The following TFDP1 variants were observed in gnomAD, a reference collection of about 807,000 sequenced individuals.
TFDP1 encodes transcription factor Dp-1.
TFDP1 carries 6 observed loss-of-function variants against 48.0 expected under a neutral mutation model. That is an observed-to-expected ratio of 0.13 (90% confidence interval 0.07 to 0.25). TFDP1 has a LOEUF of 0.25. Ranked by LOEUF, TFDP1 falls within the 10% of genes least tolerant of loss-of-function variation. The pLI is 1.00. For missense variants in TFDP1, 335 were observed against 543.0 expected, an observed-to-expected ratio of 0.62 and a Z score of 3.81; for synonymous variants, 201 against 211.6, an observed-to-expected ratio of 0.95 and a Z score of 0.44.
In TFDP1 at chr13:113,598,844, C is replaced by T. The variant is rs537931772; in HGVS notation, c.13-12152C>T. ...TCTTAGGGTGATGTTGGGCACCACC[C>T]TCGCCTGCAGCTCATCACCTCTGGA... On this transcript the variant is annotated intron_variant, in intron 2 of 11. Transcript: ENST00000375370. The surrounding 1 kb of genome is among the most constrained non-coding windows in gnomAD (Gnocchi z 4.2). Among the ~76,000 whole-genome samples, 1 of 152,334 alleles carries T rather than the reference C, an allele frequency of 6.6e-6. No individual in the cohort carries two copies. The highest frequency in any genetic ancestry group is 2.1e-4 in the South Asian group (1 of 4,828).
At chr13:113,596,429 C>T (rs1194745851) in intron 2 of TFDP1, among the ~76,000 whole-genome samples, 2 of 152,204 alleles carry the variant, frequency 1.3e-5, no homozygotes, top group Non-Finnish European at 2.9e-5. Flanking sequence ...GGACAGATGT[C>T]TGCCTCGGTG....
intron 5 of TFDP1, among the ~76,000 whole-genome samples, chr13:113,632,073 C>T (rs1358330126): frequency 2.0e-5 from 3 of 152,234 alleles, no homozygotes; most frequent in Admixed American, 6.5e-5. Context: ...GACTTTCCCT[C>T]GTCTGTGCTG....
rs1488874233 is a variant in TFDP1 at position 113,623,219 on chromosome 13, A to G, written c.119A>G (p.Asn40Ser). Residue 40 changes from asparagine (N) to serine (S), a missense_variant, in exon 4 of 12, where the codon AAC becomes AGC. By Grantham distance (46) the Asn-to-Ser change is conservative. This residue lies in a region of TFDP1 where 103 missense variants were observed against 140.4 expected (regional missense o/e 0.73). Transcript: ENST00000375370. This position sits in a 1 kb window ranked among gnomAD's most constrained non-coding sequence, Gnocchi z 5.2. The stretch of plus-strand genomic sequence containing the variant: ...GTGGCCGTTCACCCCTCCACCGTCA[A>G]CCCGCTCGGGAAGCAGCTCTTGCCA... ...SLVAVHPSTVNPLGKQLLPKT... is the reference protein window; with the variant it reads ...SLVAVHPSTVSPLGKQLLPKT... 1 of 1,613,526 alleles carries G rather than the reference A, an allele frequency of 6.2e-7. No homozygotes were observed. Among genetic ancestry groups the G allele is most frequent in the Non-Finnish European group, 8.5e-7 (1 of 1,179,808 alleles).
At chr13:113,590,253 T>G (rs1282299231) in intron 2 of TFDP1, among the ~76,000 whole-genome samples, 6 of 152,142 alleles carry the variant, frequency 3.9e-5, no homozygotes, top group Admixed American at 3.9e-4. Context: ...CCTGTGAGTT[T>G]ATGGGGAAAT....
At chr13:113,635,901 C>T (rs2049473496) in intron 8 of TFDP1, 76 bp from the exon 9 acceptor site, 1 of 1,505,588 alleles carries the variant, frequency 6.6e-7, no homozygotes, top group South Asian at 1.3e-5. Flanking sequence ...GCAGGGAGGG[C>T]TGTGAGGACC....
chr13:113,637,647 C>T (rs771980784), intron 10 of TFDP1, 171 bp from the exon 11 acceptor site: 34 of 1,537,916 alleles, frequency 2.2e-5, no homozygotes, highest in Non-Finnish European at 2.4e-5. Flanking sequence ...GACTGCACAG[C>T]GGGATGTCCT....
intron 2 of TFDP1, among the ~76,000 whole-genome samples, chr13:113,593,896 C>T (rs1303184989): frequency 5.1e-5 from 7 of 138,130 alleles, no homozygotes; most frequent in East Asian, 2.3e-4. Flanking sequence ...GTCCAGGTGA[C>T]AGGTGTGGTG....
chr13:113,623,120 G>A lies in TFDP1; in HGVS notation c.80-60G>A, dbSNP rs960709119. The A allele has an allele frequency of 8.9e-6, 13 of 1,461,594 alleles. No homozygotes were observed. In the East Asian group the frequency reaches 1.7e-4, roughly 19 times the overall value. The allele number at this position is 1,461,594 out of a possible 1,614,324, so 90.5% of individuals were successfully genotyped here. On this transcript the variant is annotated intron_variant, in intron 3 of 11. Transcript: ENST00000375370. This position sits in a 1 kb window ranked among gnomAD's most constrained non-coding sequence, Gnocchi z 5.2. Reference sequence around the variant, plus strand: ...GCACCGTCTTGCATTTAGAATGGTCGCTTGTAGCCTTAACTTAGAAAAGGA... The same window carrying A: ...GCACCGTCTTGCATTTAGAATGGTCACTTGTAGCCTTAACTTAGAAAAGGA...
intron 3 of TFDP1, among the ~76,000 whole-genome samples, chr13:113,612,888 G>A (rs540475138): frequency 5.9e-5 from 9 of 152,294 alleles, no homozygotes; most frequent in Non-Finnish European, 1.2e-4. Flanking sequence ...CTCGCCCCGC[G>A]TGCCCCGGCC....
intron 1 of TFDP1, chr13:113,585,210 G>A (rs1359077867): frequency 6.7e-6 from 1 of 148,848 alleles, no homozygotes; most frequent in Non-Finnish European, 1.5e-5. Flanking sequence ...CAGGGCGGGG[G>A]AGGGGAGGCC....
intron 11 of TFDP1, among the ~76,000 whole-genome samples, chr13:113,638,426 G>A (rs1374767417): frequency 6.6e-6 from 1 of 151,738 alleles, no homozygotes; most frequent in Non-Finnish European, 1.5e-5. Context: ...CCATCACGGC[G>A]CACGTGTTTT....
chr13:113,585,661 T>C, intron 1 of TFDP1, 113 bp from the exon 2 acceptor site: 1 of 595,048 alleles, frequency 1.7e-6, no homozygotes, highest in East Asian at 2.8e-5. Context: ...GGATGGAGGG[T>C]GCCTTTGGGA....
chr13:113,599,802 G>A (rs967012437), intron 2 of TFDP1, among the ~76,000 whole-genome samples: 5 of 152,006 alleles, frequency 3.3e-5, no homozygotes, highest in African/African-American at 9.7e-5. Context: ...CTACGAGAGA[G>A]AACCCAGGAC....
intron 7 of TFDP1, 41 bp downstream of exon 7, chr13:113,634,074 G>A: frequency 1.2e-6 from 2 of 1,613,850 alleles, no homozygotes; most frequent in South Asian, 1.1e-5. Context: ...TTCCCTTCAA[G>A]TCCGTGTAGA....
At chr13:113,618,042 C>T (rs1314226520) in intron 3 of TFDP1, among the ~76,000 whole-genome samples, 6 of 152,134 alleles carry the variant, frequency 3.9e-5, no homozygotes, top group East Asian at 1.9e-4. Context: ...ATTTGAAAAA[C>T]GCTGTGTAGT....
intron 8 of TFDP1, among the ~76,000 whole-genome samples, chr13:113,635,720 G>T (rs138900990): frequency 1.3e-5 from 2 of 152,294 alleles, no homozygotes; most frequent in African/African-American, 4.8e-5. Flanking sequence ...CGCCGTTGCC[G>T]TGGAGGACAC....
chr13:113,601,011 T>C (rs138177742), intron 2 of TFDP1, among the ~76,000 whole-genome samples: 69 of 152,354 alleles, frequency 4.5e-4, no homozygotes, highest in African/African-American at 1.6e-3. Context: ...TTGATGCTTT[T>C]GCTCACTCGG....
chr13:113,629,295 G>A (rs536907863), intron 4 of TFDP1, among the ~76,000 whole-genome samples: 98 of 152,336 alleles, frequency 6.4e-4, no homozygotes, highest in South Asian at 4.1e-4. Flanking sequence ...CGTAAACAAC[G>A]CATTCCCAGT....
At chr13:113,587,609 C>T (rs1050855043) in intron 2 of TFDP1, among the ~76,000 whole-genome samples, 1 of 151,688 alleles carries the variant, frequency 6.6e-6, no homozygotes, top group Admixed American at 6.6e-5. Context: ...CTCAGCCTCC[C>T]GAGAAGCTAG....
Sources: gnomAD v4.1 joint callset for allele counts (sites outside exome capture counted in the v4.1 genomes callset) on GRCh38, gnomAD v4.1.1 for gene constraint, gnomAD v4.1.1 regional missense constraint, Gnocchi (gnomAD v3.1) non-coding constraint, MANE v1.5 for transcripts, NCBI Gene and HGNC (gene_info 2026-07-23, HGNC 2026-07-21) for gene names.